Variants in GPR158 observed in about 807,000 individuals in gnomAD.
The protein encoded by GPR158 is metabotropic glycine receptor.
Under a neutral mutation model 78.2 loss-of-function variants are expected in GPR158, and 30 were observed. That is an observed-to-expected ratio of 0.38 (90% CI 0.29 to 0.52). The LOEUF (loss-of-function observed/expected upper bound fraction) is 0.52, where lower values mean the gene tolerates loss of function less well. Ranked by LOEUF, GPR158 falls within the 20% of genes least tolerant of loss-of-function variation. The pLI, the probability that GPR158 is intolerant of heterozygous loss-of-function variation, is 0.83. For missense variants in GPR158, 1,463 were observed against 1,523.5 expected (o/e 0.96, Z 0.66); for synonymous variants, 581 against 591.1 (o/e 0.98, Z 0.25).
In GPR158 at chr10:25,175,578, C is replaced by T; in HGVS notation, c.158C>T (p.Ser53Phe). ...CACGCCCAGCAGCCGGGTCGAGCCT[C>T]TGCCTCGGACTCCTCGGCTCCCTGG... is the stretch of plus-strand genomic sequence containing the variant. ...KPHAQQPGRA[S>F]ASDSSAPWSR... The change falls in exon 1 of 11, where the codon TCT (serine) becomes TTT (phenylalanine). Residue 53 changes from serine (S) to phenylalanine (F), a missense_variant. Transcript: ENST00000376351. This position sits in a 1 kb window ranked among gnomAD's most constrained non-coding sequence, Gnocchi z 6.4. 3 of 1,611,084 alleles carry T rather than the reference C, an allele frequency of 1.9e-6. No homozygotes were observed. Among genetic ancestry groups the T allele is most frequent in the Non-Finnish European group, 2.5e-6 (3 of 1,179,812 alleles).
chr10:25,282,747 C>T (rs1422382833), intron 2 of GPR158, among the ~76,000 whole-genome samples: 1 of 152,038 alleles, frequency 6.6e-6, no homozygotes, highest in Non-Finnish European at 1.5e-5. Context: ...TCTTGTGCTT[C>T]TTTGCCATTC....
At chr10:25,381,820 A>C (rs1363883747) in intron 2 of GPR158, among the ~76,000 whole-genome samples, 4 of 152,218 alleles carry the variant, frequency 2.6e-5, no homozygotes, top group Non-Finnish European at 5.9e-5. Flanking sequence ...AAATATTTAA[A>C]GAAGGACTAC....
chr10:25,422,949 C>A (rs1172731193), intron 4 of GPR158, among the ~76,000 whole-genome samples: 1 of 146,712 alleles, frequency 6.8e-6, no homozygotes, highest in African/African-American at 2.5e-5. Flanking sequence ...TGAGAACATA[C>A]AATGTTTGGT....
chr10:25,263,963 G>T (rs1439026347), intron 2 of GPR158, among the ~76,000 whole-genome samples: 1 of 152,050 alleles, frequency 6.6e-6, no homozygotes, highest in African/African-American at 2.4e-5. Flanking sequence ...TTCACCTTTT[G>T]GTTAATGCCA....
Position 25,176,254 on chromosome 10 carries a change from G to C in GPR158, c.834G>C (p.Lys278Asn), listed in dbSNP as rs1264485066. 6.2e-7 allele frequency: 1 copy of C among 1,609,768 alleles called. No individual in the cohort carries two copies. The highest frequency in any genetic ancestry group is 2.2e-5 in the East Asian group (1 of 44,762). Residue 278 changes from lysine (K) to asparagine (N), a missense_variant, in exon 1 of 11, where the codon AAG becomes AAC. By Grantham distance (94) the Lys-to-Asn change is moderately conservative (BLOSUM62 0). Coordinates refer to ENST00000376351, the MANE Select transcript of GPR158 (RefSeq NM_020752.3). The surrounding 1 kb of genome is among the most constrained non-coding windows in gnomAD (Gnocchi z 6.3). The stretch of plus-strand genomic sequence containing the variant: ...TGGAGTGCGAGAACGGGAGTTACAA[G>C]CCCGGGTGGCTGGTTACTCTTTCCT... ...PYLECENGSY[K>N]PGWLVTLSSA...
intron 4 of GPR158, among the ~76,000 whole-genome samples, chr10:25,419,467 A>G (rs1773670): frequency 0.45 from 68,847 of 152,024 alleles, 17,304 homozygotes; most frequent in Non-Finnish European, 0.59. Flanking sequence ...TTCATGTACA[A>G]GTGTCTATAT....
At chr10:25,517,530 T>A (rs1179355220) in intron 5 of GPR158, among the ~76,000 whole-genome samples, 1 of 152,090 alleles carries the variant, frequency 6.6e-6, no homozygotes, top group Non-Finnish European at 1.5e-5. Flanking sequence ...GCTCTTATTA[T>A]TTTGAAATAC....
At chr10:25,329,447 A>G (rs1264139213) in intron 2 of GPR158, among the ~76,000 whole-genome samples, 1 of 152,018 alleles carries the variant, frequency 6.6e-6, no homozygotes, top group Non-Finnish European at 1.5e-5. Context: ...TTCAAAAAAA[A>G]AAAAAGAAGA....
intron 2 of GPR158, among the ~76,000 whole-genome samples, chr10:25,283,686 CAG>C (rs1194633165): frequency 1.3e-5 from 2 of 151,700 alleles, no homozygotes; most frequent in Non-Finnish European, 1.5e-5. Context: ...ATTTTTTAGT[CAG>C]AAGCTTAGAT....
chr10:25,447,981 T>G (rs1215261402), intron 4 of GPR158, among the ~76,000 whole-genome samples: 1 of 152,140 alleles, frequency 6.6e-6, no homozygotes, highest in East Asian at 1.9e-4. Context: ...TAACCAGAGA[T>G]AACCGCTGTT....
chr10:25,315,139 A>G (rs1299016911), intron 2 of GPR158, among the ~76,000 whole-genome samples: 2 of 151,894 alleles, frequency 1.3e-5, no homozygotes, highest in Non-Finnish European at 2.9e-5. Flanking sequence ...ATATATCCAT[A>G]ATTTGAAGCT....
chr10:25,486,928 A>T (rs1441887625), intron 5 of GPR158, among the ~76,000 whole-genome samples: 1 of 152,134 alleles, frequency 6.6e-6, no homozygotes, highest in Non-Finnish European at 1.5e-5. Context: ...TTCTAGATAA[A>T]TGGGAATTTT....
At chr10:25,438,237 A>T (rs976425334) in intron 4 of GPR158, among the ~76,000 whole-genome samples, 1 of 152,166 alleles carries the variant, frequency 6.6e-6, no homozygotes, top group Non-Finnish European at 1.5e-5. Flanking sequence ...AAAGTTTGGT[A>T]TTGTCACTGT....
Position 25,519,780 on chromosome 10 carries a change from G to A in GPR158, c.1405-31196G>A, listed in dbSNP as rs1319424854. 4.9e-5 allele frequency among the ~76,000 whole-genome samples: 4 copies of A among 81,438 alleles called. No homozygotes were observed. In the East Asian group the frequency reaches 1.2e-3, roughly 24 times the overall value. The allele number at this position is 81,438 out of a possible 152,430, so 53.4% of individuals were successfully genotyped here. A position where few individuals can be genotyped will look rare whatever the true frequency, so the allele number is the denominator to read the frequency against. Reference sequence around the variant, plus strand: ...ATGGGCTTCCCTTTGAGGGTAACCCGACCTTTCTCTCTGGCTGCCCTTAAC... The same window carrying A: ...ATGGGCTTCCCTTTGAGGGTAACCCAACCTTTCTCTCTGGCTGCCCTTAAC... On this transcript the variant is annotated intron_variant, in intron 5 of 10. Transcript: ENST00000376351.
intron 6 of GPR158, among the ~76,000 whole-genome samples, chr10:25,564,765 G>GT (rs753957050): frequency 7.4e-4 from 112 of 152,212 alleles, no homozygotes; most frequent in Non-Finnish European, 1.3e-3. Flanking sequence ...AGCTGTTTTT[G>GT]TTTTTTCTCT....
intron 2 of GPR158, among the ~76,000 whole-genome samples, chr10:25,390,528 G>A (rs1834280093): frequency 6.6e-6 from 1 of 152,218 alleles, no homozygotes; most frequent in Non-Finnish European, 1.5e-5. Flanking sequence ...TCTGTGGAAC[G>A]TTTTACTTGA....
chr10:25,455,443 A>C (rs537979638), intron 4 of GPR158, among the ~76,000 whole-genome samples: 2 of 152,242 alleles, frequency 1.3e-5, no homozygotes, highest in Non-Finnish European at 2.9e-5. Context: ...TTTTTCAGTA[A>C]TTCTCTACTG....
intron 2 of GPR158, among the ~76,000 whole-genome samples, chr10:25,378,093 C>A (rs1588834903): frequency 6.6e-6 from 1 of 152,132 alleles, no homozygotes; most frequent in South Asian, 2.1e-4. Context: ...ATAGTGGTTC[C>A]TGGTTATTTT....
chr10:25,548,657 G>A (rs1330831786), intron 5 of GPR158, among the ~76,000 whole-genome samples: 1 of 152,150 alleles, frequency 6.6e-6, no homozygotes, highest in Non-Finnish European at 1.5e-5. Flanking sequence ...TTGGAACCGA[G>A]GGAGACTGGA....
Sources: allele counts gnomAD v4.1 joint callset (sites outside exome capture counted in the v4.1 genomes callset), GRCh38; gene constraint gnomAD v4.1.1; non-coding constraint Gnocchi (gnomAD v3.1); transcripts MANE v1.5; gene names NCBI Gene and HGNC (gene_info 2026-07-23, HGNC 2026-07-21).